ATP8B1: variants seen among roughly 807,000 people sequenced by gnomAD.
The protein encoded by ATP8B1 is phospholipid-transporting ATPase IC.
A neutral mutation model predicts 149.9 loss-of-function variants in ATP8B1; 80 were observed. The ratio of observed to expected loss-of-function variants is 0.53; its 90% CI spans 0.45 to 0.64. ATP8B1 has a LOEUF of 0.64. Ranked by LOEUF, ATP8B1 falls within the 30% of genes least tolerant of loss-of-function variation. The pLI, the probability that ATP8B1 is intolerant of heterozygous loss-of-function variation, is 0.00. For missense variants in ATP8B1, 1,247 were observed against 1,552.6 expected, an observed-to-expected ratio of 0.80 and a Z score of 3.31; for synonymous variants, 536 against 562.8, an observed-to-expected ratio of 0.95 and a Z score of 0.67.
intron 1 of ATP8B1, among the ~76,000 whole-genome samples, chr18:57,795,340 C>G (rs1449798121): frequency 6.7e-6 from 1 of 150,136 alleles, no homozygotes; most frequent in Non-Finnish European, 1.5e-5. Flanking sequence ...GAGTTCAAAG[C>G]TGCAGTAAGC....
chr18:57,780,950 C>T (rs1005987853), intron 1 of ATP8B1, among the ~76,000 whole-genome samples: 5 of 152,186 alleles, frequency 3.3e-5, no homozygotes, highest in Admixed American at 1.3e-4. Flanking sequence ...TTCCTTGTCT[C>T]AGCAAGGTAT....
At chr18:57,740,154 G>A (rs976527598) in intron 1 of ATP8B1, among the ~76,000 whole-genome samples, 3 of 151,924 alleles carry the variant, frequency 2.0e-5, no homozygotes, top group South Asian at 2.1e-4. Flanking sequence ...TCAATGGCGC[G>A]ATCTCAGCTC....
intron 13 of ATP8B1, among the ~76,000 whole-genome samples, chr18:57,687,763 G>T (rs1172659010): frequency 1.4e-5 from 2 of 145,312 alleles, no homozygotes. Context: ...ATATAGTAAT[G>T]AGACTTCTAA....
chr18:57,705,703 G>A (rs1332925690), intron 3 of ATP8B1, among the ~76,000 whole-genome samples: 1 of 152,194 alleles, frequency 6.6e-6, no homozygotes, highest in Non-Finnish European at 1.5e-5. Context: ...TCCAGAAGGA[G>A]CCAACCCTGC....
intron 15 of ATP8B1, among the ~76,000 whole-genome samples, chr18:57,675,580 T>C (rs1427825759): frequency 6.6e-6 from 1 of 152,216 alleles, no homozygotes; most frequent in African/African-American, 2.4e-5. Context: ...TTTTTCTTTT[T>C]AGAGACAGAG....
In ATP8B1 at chr18:57,701,084, T is replaced by C. The variant is rs1188737565; in HGVS notation, c.509A>G (p.Asp170Gly). Residue 170 changes from aspartate (D) to glycine (G), a missense_variant, in exon 6 of 28, where the codon GAT becomes GGT. This residue lies in a region of ATP8B1 where 853 missense variants were observed against 1,035.7 expected (regional missense o/e 0.82). Transcript: ENST00000648908. The stretch of plus-strand genomic sequence containing the variant: ...ACACGTCCTATTGTTGATTTCCTTA[T>C]CCATTTTATGGCGAGCCTTGAGAAG... ...LVDDVARHKM[D>G]KEINNRTCEV... The C allele has an allele frequency of 1.2e-6, 2 of 1,614,178 alleles. No individual in the cohort carries two copies. Among genetic ancestry groups the C allele is most frequent in the South Asian group, 1.1e-5 (1 of 91,082 alleles).
intron 2 of ATP8B1, among the ~76,000 whole-genome samples, chr18:57,719,030 C>T (rs1432335676): frequency 6.6e-6 from 1 of 152,270 alleles, no homozygotes; most frequent in Non-Finnish European, 1.5e-5. Flanking sequence ...AAGAAATAAA[C>T]GGCATCCAAA....
chr18:57,719,074 C>T (rs549420137), intron 2 of ATP8B1, among the ~76,000 whole-genome samples: 33 of 152,222 alleles, frequency 2.2e-4, no homozygotes, highest in African/African-American at 5.3e-4. Flanking sequence ...TCCTTGTTTG[C>T]GGATGATATG....
At position 57,768,586 on chromosome 18, in the gene ATP8B1, C is replaced by CAAAAAA. The variant is rs5825235; in HGVS notation, c.-26+34406_-26+34411dup. The stretch of plus-strand genomic sequence containing the variant: ...AAGGCCATTTTTACTGTTTACATGC[C>CAAAAAA]AAAAAAAAAAAAAAAAAGCTAAGCT... On this transcript the variant is annotated intron_variant, in intron 1 of 27. Coordinates refer to ENST00000648908, the MANE Select transcript of ATP8B1 (RefSeq NM_001374385.1). 1.1e-4 allele frequency among the ~76,000 whole-genome samples: 11 copies of CAAAAAA among 96,982 alleles called. 1 individual carries two copies. The highest frequency in any genetic ancestry group is 3.4e-4 in the East Asian group (1 of 2,980). 63.6% of individuals were successfully genotyped at this position (96,982 alleles called of 152,430 possible). A position where few individuals can be genotyped will look rare whatever the true frequency, so the allele number is the denominator to read the frequency against.
At chr18:57,672,995 G>GTATATATATAAATATAAATATATGTA (rs57894241) in intron 16 of ATP8B1, among the ~76,000 whole-genome samples, 1 of 98,462 alleles carries the variant, frequency 1.0e-5, no homozygotes, top group Non-Finnish European at 2.0e-5. Context: ...ATAAATACAT[G>GTATATATATAAATATAAATATATGTA]TATATATAAA....
chr18:57,732,962 AT>A, intron 1 of ATP8B1, among the ~76,000 whole-genome samples: 1 of 152,252 alleles, frequency 6.6e-6, no homozygotes, highest in South Asian at 2.1e-4. Context: ...CTGATACAAC[AT>A]TTTTAATATA....
At chr18:57,783,665 A>G (rs545028330) in intron 1 of ATP8B1, among the ~76,000 whole-genome samples, 1 of 152,044 alleles carries the variant, frequency 6.6e-6, no homozygotes, top group East Asian at 1.9e-4. Context: ...GTGAAACCCT[A>G]TCTCCACTAA....
intron 1 of ATP8B1, among the ~76,000 whole-genome samples, chr18:57,748,941 G>A (rs1366961694): frequency 1.3e-5 from 2 of 152,180 alleles, no homozygotes; most frequent in Non-Finnish European, 2.9e-5. Flanking sequence ...CAGGCCTTGT[G>A]CAAACATCTA....
chr18:57,670,002 CTTCCAGT>C (rs1037965935), intron 17 of ATP8B1, among the ~76,000 whole-genome samples: 2 of 152,166 alleles, frequency 1.3e-5, no homozygotes, highest in African/African-American at 4.8e-5. Context: ...CAGGACTGCA[CTTCCAGT>C]TTCCAAAGGG....
intron 1 of ATP8B1, among the ~76,000 whole-genome samples, chr18:57,746,683 C>T (rs1040618020): frequency 6.6e-6 from 1 of 152,030 alleles, no homozygotes; most frequent in East Asian, 1.9e-4. Flanking sequence ...ACCATATTGG[C>T]CAGCCTGGTC....
rs200999435 is a variant in ATP8B1 at position 57,650,426 on chromosome 18, G to A, written c.3472C>T (p.Leu1158=). The A allele has an allele frequency of 2.5e-5, 41 of 1,613,910 alleles. No homozygotes were observed. The highest frequency in any genetic ancestry group is 3.3e-5 in the Non-Finnish European group (39 of 1,179,936). ...TIILAVAVCL[L]PVVAIRFLSM... is the part of the protein sequence containing the mutation. Reference sequence around the variant, plus strand: ...AGGAATCGAATGGCAACGACGGGTAGTAAGCACACAGCAACAGCCAGGATG... The same window carrying A: ...AGGAATCGAATGGCAACGACGGGTAATAAGCACACAGCAACAGCCAGGATG... Residue 1158 remains leucine, a synonymous_variant, in exon 27 of 28, where the codon CTA becomes TTA. Transcript: ENST00000648908.
intron 15 of ATP8B1, among the ~76,000 whole-genome samples, chr18:57,682,595 C>G (rs1912035932): frequency 6.6e-6 from 1 of 152,136 alleles, no homozygotes; most frequent in African/African-American, 2.4e-5. Context: ...ATACTTTATG[C>G]TTATTGCCTG....
At position 57,778,154 on chromosome 18, in the gene ATP8B1, C is replaced by G. The variant is rs544889916; in HGVS notation, c.-26+24844G>C. ...TTGCCCTTGTATTAGTTATCTGTTGCTGCCTAACAAAATACCCCCAAATTT... is the reference window on the plus strand; with the variant it reads ...TTGCCCTTGTATTAGTTATCTGTTGGTGCCTAACAAAATACCCCCAAATTT... On this transcript the variant is annotated intron_variant, in intron 1 of 27. Transcript: ENST00000648908. Among the ~76,000 whole-genome samples the G allele has an allele frequency of 3.9e-5, 6 of 152,194 alleles. No homozygotes were observed. The South Asian group carries it at 1.2e-3, about 32-fold the overall frequency.
chr18:57,713,207 C>CT (rs1568207551), intron 2 of ATP8B1, among the ~76,000 whole-genome samples: 7 of 120,544 alleles, frequency 5.8e-5, no homozygotes, highest in African/African-American at 2.4e-4. Context: ...TTCCTTCCTT[C>CT]CTTCCTTCCT....
Sources: allele counts gnomAD v4.1 joint callset (sites outside exome capture counted in the v4.1 genomes callset), GRCh38; gene constraint gnomAD v4.1.1; regional missense constraint gnomAD v4.1.1; transcripts MANE v1.5; gene names NCBI Gene and HGNC (gene_info 2026-07-23, HGNC 2026-07-21).